The following ATG5 variants were observed in gnomAD, a reference collection of about 807,000 sequenced individuals.
ATG5 encodes autophagy protein 5.
ATG5 carries 14 observed loss-of-function variants against 36.5 expected under a neutral mutation model. The observed-to-expected ratio is 0.38, with a 90% CI of 0.25 to 0.60. The LOEUF is 0.60. Among genes scored for constraint, ATG5 ranks in the 20% least tolerant of loss-of-function variants. The pLI, the probability that ATG5 is intolerant of heterozygous loss-of-function variation, is 0.60. For missense variants in ATG5, 195 were observed against 326.7 expected (o/e 0.60, Z 3.11); for synonymous variants, 95 against 101.5 (o/e 0.94, Z 0.38).
chr6:106,205,355 A>G (rs573565204), intron 6 of ATG5, among the ~76,000 whole-genome samples: 3 of 152,364 alleles, frequency 2.0e-5, no homozygotes, highest in Non-Finnish European at 4.4e-5. Context: ...TGGAGCTCTC[A>G]TTCATATCCT....
At chr6:106,204,690 T>C (rs1292380334) in intron 6 of ATG5, among the ~76,000 whole-genome samples, 1 of 152,194 alleles carries the variant, frequency 6.6e-6, no homozygotes, top group Non-Finnish European at 1.5e-5. Flanking sequence ...TTTCCTGCAC[T>C]CTCATCTCTC....
At chr6:106,261,876 C>T (rs1779033857) in intron 5 of ATG5, among the ~76,000 whole-genome samples, 1 of 152,062 alleles carries the variant, frequency 6.6e-6, no homozygotes, top group Non-Finnish European at 1.5e-5. Context: ...CTGTAGAGGC[C>T]AGAAGTGCTG....
At chr6:106,198,459 TA>T (rs1420065915) in intron 7 of ATG5, among the ~76,000 whole-genome samples, 1 of 152,088 alleles carries the variant, frequency 6.6e-6, no homozygotes, top group Non-Finnish European at 1.5e-5. Context: ...TCACCAAAAT[TA>T]AATGCTTTTA....
At chr6:106,284,184 C>T (rs1471956566) in intron 4 of ATG5, among the ~76,000 whole-genome samples, 2 of 152,120 alleles carry the variant, frequency 1.3e-5, no homozygotes, top group African/African-American at 4.8e-5. Flanking sequence ...ATATTCAGTT[C>T]TCTTGGGAAT....
chr6:106,287,876 GA>G lies in ATG5; in HGVS notation c.315+5151del, dbSNP rs10715339. Among the ~76,000 whole-genome samples, 1,016 of 150,424 alleles carry G rather than the reference GA, an allele frequency of 6.8e-3. 13 individuals are homozygous for G. The highest frequency in any genetic ancestry group is 0.024 in the African/African-American group (976 of 41,084). On this transcript the variant is annotated intron_variant, in intron 4 of 7. Coordinates refer to ENST00000369076, the MANE Select transcript of ATG5 (RefSeq NM_004849.4). ...CAAGCAGCATGCCTATAGAATTAAT[GA>G]AAAAAAATACAGAGAGAAAACGCAA... is the stretch of plus-strand genomic sequence containing the variant.
intron 6 of ATG5, among the ~76,000 whole-genome samples, chr6:106,226,999 G>A (rs1777476471): frequency 6.6e-6 from 1 of 152,054 alleles, no homozygotes; most frequent in African/African-American, 2.4e-5. Context: ...CATATAATGA[G>A]AGGCCCAGAA....
At chr6:106,253,735 T>C (rs1427850326) in intron 5 of ATG5, among the ~76,000 whole-genome samples, 3 of 152,194 alleles carry the variant, frequency 2.0e-5, no homozygotes, top group Admixed American at 6.5e-5. Flanking sequence ...GAGTAAATTT[T>C]CAAATATTTT....
chr6:106,314,283 G>A (rs1770759294), intron 2 of ATG5, among the ~76,000 whole-genome samples: 1 of 152,200 alleles, frequency 6.6e-6, no homozygotes, highest in Non-Finnish European at 1.5e-5. Context: ...CAGGCTGGGT[G>A]GAGTAGCTCA....
intron 3 of ATG5, among the ~76,000 whole-genome samples, chr6:106,295,109 T>G (rs1780491859): frequency 6.6e-6 from 1 of 151,812 alleles, no homozygotes; most frequent in Non-Finnish European, 1.5e-5. Flanking sequence ...TATAGACAAG[T>G]TATAGATTTA....
chr6:106,293,268 T>C (rs1471134715), intron 3 of ATG5, among the ~76,000 whole-genome samples, 162 bp from the exon 4 acceptor site: 1 of 152,214 alleles, frequency 6.6e-6, no homozygotes, highest in Non-Finnish European at 1.5e-5. Flanking sequence ...GCTAGTATGA[T>C]CTACTTTCCA....
At chr6:106,272,055 C>T (rs866519777) in intron 5 of ATG5, among the ~76,000 whole-genome samples, 5 of 152,162 alleles carry the variant, frequency 3.3e-5, no homozygotes, top group South Asian at 2.1e-4. Flanking sequence ...AAAATAACAA[C>T]GCCCTTTCCC....
chr6:106,321,046 T>C lies in ATG5; in HGVS notation c.-59+4480A>G, dbSNP rs570818138. 2.1e-4 allele frequency among the ~76,000 whole-genome samples: 32 copies of C among 152,300 alleles called. No individual in the cohort carries two copies. In the East Asian group the frequency reaches 5.0e-3, roughly 24 times the overall value. On this transcript the variant is annotated intron_variant, in intron 1 of 7. Transcript: ENST00000369076. ...ATAAAGAACAAGGGCAGGGAAGATTTAGATGCTGACAGCATGCAAAATACA... is the reference window on the plus strand; with the variant it reads ...ATAAAGAACAAGGGCAGGGAAGATTCAGATGCTGACAGCATGCAAAATACA...
At chr6:106,242,846 T>C (rs931192107) in intron 6 of ATG5, among the ~76,000 whole-genome samples, 28 of 152,228 alleles carry the variant, frequency 1.8e-4, no homozygotes, top group Non-Finnish European at 2.9e-5. Context: ...TATTGCAAGA[T>C]ATCTACTAAA....
chr6:106,216,038 C>A (rs1292045274), intron 6 of ATG5, among the ~76,000 whole-genome samples: 1 of 152,022 alleles, frequency 6.6e-6, no homozygotes, highest in African/African-American at 2.4e-5. Context: ...GAGCAAAAAC[C>A]AAAATGATAT....
chr6:106,226,033 C>G (rs762662557), intron 6 of ATG5, among the ~76,000 whole-genome samples: 3 of 152,160 alleles, frequency 2.0e-5, no homozygotes, highest in Non-Finnish European at 2.9e-5. Flanking sequence ...AAACTCTCAC[C>G]TATGGGAAAC....
chr6:106,297,717 A>AC (rs1247142034), intron 3 of ATG5, among the ~76,000 whole-genome samples: 45 of 135,520 alleles, frequency 3.3e-4, no homozygotes, highest in Non-Finnish European at 4.9e-4. Context: ...AAATGACTTA[A>AC]ACACACACAC....
intron 2 of ATG5, among the ~76,000 whole-genome samples, chr6:106,309,478 AG>A (rs1460806929): frequency 6.6e-6 from 1 of 152,170 alleles, no homozygotes; most frequent in Non-Finnish European, 1.5e-5. Flanking sequence ...ATGGAATACA[AG>A]GAACTAAATA....
intron 5 of ATG5, among the ~76,000 whole-genome samples, chr6:106,252,992 T>TC (rs1406836815): frequency 2.0e-5 from 3 of 152,226 alleles, no homozygotes; most frequent in African/African-American, 7.2e-5. Context: ...ATTATTCAAA[T>TC]CAGTACTACA....
intron 6 of ATG5, among the ~76,000 whole-genome samples, chr6:106,227,567 G>A (rs796221078): frequency 6.6e-6 from 1 of 151,328 alleles, no homozygotes; most frequent in African/African-American, 2.4e-5. Context: ...CTGCACTCTT[G>A]CAGTGGAGAC....
Sources: gnomAD v4.1 joint callset for allele counts (sites outside exome capture counted in the v4.1 genomes callset) on GRCh38, gnomAD v4.1.1 for gene constraint, MANE v1.5 for transcripts, NCBI Gene and HGNC (gene_info 2026-07-23, HGNC 2026-07-21) for gene names.